Variants in THSD7B observed in about 807,000 individuals in gnomAD.
The protein encoded by THSD7B is thrombospondin type 1 domain containing 7B.
In THSD7B, 138 loss-of-function variants were observed where a neutral mutation model predicts 213.6. The observed-to-expected ratio is 0.65, with a 90% CI of 0.56 to 0.74. The LOEUF is 0.74. THSD7B is among the 30% of genes least tolerant of loss of function. The pLI is 0.00. For synonymous variants in THSD7B, 742 were observed against 687.0 expected, an observed-to-expected ratio of 1.08 and a Z score of -1.25; for missense variants, 1,931 against 1,991.5, an observed-to-expected ratio of 0.97 and a Z score of 0.58.
At chr2:136,854,979 C>G (rs1292090161) in intron 1 of THSD7B, among the ~76,000 whole-genome samples, 1 of 152,138 alleles carries the variant, frequency 6.6e-6, no homozygotes, top group Admixed American at 6.5e-5. Flanking sequence ...TTCCCAGGCA[C>G]TGGCTTCAAA....
At chr2:137,035,455 AGAGAT>A (rs1686758149) in intron 2 of THSD7B, among the ~76,000 whole-genome samples, 1 of 152,152 alleles carries the variant, frequency 6.6e-6, no homozygotes, top group South Asian at 2.1e-4. Context: ...GTTCTAGATA[AGAGAT>A]ATGTCATAAC....
intron 2 of THSD7B, among the ~76,000 whole-genome samples, chr2:136,937,640 G>C (rs1296662493): frequency 6.6e-6 from 1 of 152,036 alleles, no homozygotes; most frequent in Admixed American, 6.6e-5. Flanking sequence ...AATATTACTT[G>C]TTGATTTTAT....
At chr2:137,296,767 G>T (rs12623680) in intron 12 of THSD7B, among the ~76,000 whole-genome samples, 9,350 of 152,052 alleles carry the variant, frequency 0.061, 539 homozygotes, top group African/African-American at 0.14. Flanking sequence ...AGGAACAGTA[G>T]GGTACAGCTC....
intron 15 of THSD7B, among the ~76,000 whole-genome samples, chr2:137,463,948 T>G (rs1466947572): frequency 6.6e-6 from 1 of 152,068 alleles, no homozygotes; most frequent in African/African-American, 2.4e-5. Context: ...CTGCAATAGC[T>G]TATCAGAAAA....
chr2:136,862,688 AGT>A (rs918955364), intron 1 of THSD7B, among the ~76,000 whole-genome samples: 1 of 152,150 alleles, frequency 6.6e-6, no homozygotes, highest in African/African-American at 2.4e-5. Context: ...CTAGGCCTTG[AGT>A]GTTGTGGAGA....
intron 1 of THSD7B, among the ~76,000 whole-genome samples, chr2:136,872,143 C>T (rs1232208449): frequency 4.6e-5 from 7 of 152,150 alleles, no homozygotes; most frequent in Admixed American, 1.3e-4. Flanking sequence ...CACACAAAAA[C>T]ATGGCTTAAA....
At chr2:136,844,462 C>CAGAGAGAGAGAGAGAGAGAGAGAGAGAG (rs56716402) in intron 1 of THSD7B, among the ~76,000 whole-genome samples, 13 of 142,616 alleles carry the variant, frequency 9.1e-5, no homozygotes, top group South Asian at 2.3e-4. Context: ...CCACCCAAAA[C>CAGAGAGAGAGAGAGAGAGAGAGAGAGAG]AGAGAGAGAG....
At chr2:136,809,291 T>C (rs1682339203) in intron 1 of THSD7B, among the ~76,000 whole-genome samples, 1 of 152,056 alleles carries the variant, frequency 6.6e-6, no homozygotes, top group South Asian at 2.1e-4. Context: ...CAGTCAGATG[T>C]CCTAAGGGAT....
At chr2:137,199,156 T>A (rs951557723) in intron 7 of THSD7B, among the ~76,000 whole-genome samples, 1 of 152,182 alleles carries the variant, frequency 6.6e-6, no homozygotes, top group East Asian at 1.9e-4. Flanking sequence ...TCACTTTCCA[T>A]GTTTAGCTCT....
intron 7 of THSD7B, among the ~76,000 whole-genome samples, chr2:137,188,237 C>T (rs907723400): frequency 6.6e-6 from 1 of 152,136 alleles, no homozygotes; most frequent in African/African-American, 2.4e-5. Flanking sequence ...AGTGCTGAGA[C>T]CAGAATCCAA....
At position 136,785,992 on chromosome 2, in the gene THSD7B, G is replaced by A. The variant is rs77854021; in HGVS notation, c.-36+20305G>A. Among the ~76,000 whole-genome samples, 302 of 152,250 alleles carry A rather than the reference G, an allele frequency of 2.0e-3. 6 individuals carry two copies. In the East Asian group the frequency reaches 0.037, roughly 19 times the overall value. On this transcript the variant is annotated intron_variant, in intron 1 of 27. Coordinates refer to ENST00000409968, the MANE Select transcript of THSD7B (RefSeq NM_001316349.2). Reference sequence around the variant, plus strand: ...TGCTATAGTTTAGAGACAGAAAAAAGTTTAACTGACACACAAGGATCAAAT... The same window carrying A: ...TGCTATAGTTTAGAGACAGAAAAAAATTTAACTGACACACAAGGATCAAAT...
At chr2:137,636,199 T>C (rs1330470049) in intron 20 of THSD7B, among the ~76,000 whole-genome samples, 1 of 152,156 alleles carries the variant, frequency 6.6e-6, no homozygotes, top group Non-Finnish European at 1.5e-5. Flanking sequence ...ACAAACTTTC[T>C]CCATTAACAC....
intron 2 of THSD7B, among the ~76,000 whole-genome samples, chr2:136,950,020 G>A (rs982159475): frequency 6.6e-6 from 1 of 152,200 alleles, no homozygotes; most frequent in Non-Finnish European, 1.5e-5. Context: ...TTGGGAGGCC[G>A]AGGTGAGCGG....
chr2:136,867,065 T>C (rs1241773100), intron 1 of THSD7B, among the ~76,000 whole-genome samples: 3 of 152,236 alleles, frequency 2.0e-5, no homozygotes, highest in Non-Finnish European at 4.4e-5. Flanking sequence ...CCAGTGGGTC[T>C]AGACTACAAA....
At chr2:137,012,620 C>T (rs981670204) in intron 2 of THSD7B, among the ~76,000 whole-genome samples, 2 of 152,178 alleles carry the variant, frequency 1.3e-5, no homozygotes, top group Non-Finnish European at 2.9e-5. Flanking sequence ...GCTCATGTGG[C>T]ATTCAGGCAA....
chr2:136,989,222 C>T (rs926006775), intron 2 of THSD7B, among the ~76,000 whole-genome samples: 5 of 151,910 alleles, frequency 3.3e-5, no homozygotes, highest in African/African-American at 9.7e-5. Flanking sequence ...GTATACAATA[C>T]GGTTTGGATA....
At chr2:137,593,146 C>T (rs1414350293) in intron 17 of THSD7B, among the ~76,000 whole-genome samples, 2 of 151,860 alleles carry the variant, frequency 1.3e-5, no homozygotes, top group Non-Finnish European at 2.9e-5. Flanking sequence ...AGGATTATAG[C>T]ATCATTTATT....
At chr2:137,071,365 G>C (rs533075104) in intron 3 of THSD7B, among the ~76,000 whole-genome samples, 1 of 152,276 alleles carries the variant, frequency 6.6e-6, no homozygotes, top group Admixed American at 6.5e-5. Flanking sequence ...CTTTTGAGAA[G>C]TGTCTGTTCA....
intron 15 of THSD7B, among the ~76,000 whole-genome samples, chr2:137,460,287 T>A (rs1254647470): frequency 6.6e-6 from 1 of 152,132 alleles, no homozygotes; most frequent in Non-Finnish European, 1.5e-5. Context: ...TCTCATAAGC[T>A]TATTATGATT....
Sources: allele counts gnomAD v4.1 joint callset (sites outside exome capture counted in the v4.1 genomes callset), GRCh38; gene constraint gnomAD v4.1.1; transcripts MANE v1.5; gene names NCBI Gene and HGNC (gene_info 2026-07-23, HGNC 2026-07-21).